RNF111: variants seen among roughly 807,000 people sequenced by gnomAD.
The protein encoded by RNF111 is ring finger protein 111.
A neutral mutation model predicts 95.1 loss-of-function variants in RNF111; 17 were observed. The ratio of observed to expected loss-of-function variants is 0.18; its 90% confidence interval spans 0.12 to 0.27. The LOEUF is 0.27. Ranked by LOEUF, RNF111 falls within the 10% of genes least tolerant of loss-of-function variation. The pLI is 1.00. For missense variants in RNF111, 1,189 were observed against 1,210.4 expected (o/e 0.98, Z 0.26); for synonymous variants, 440 against 414.8 (o/e 1.06, Z -0.74).
intron 2 of RNF111, among the ~76,000 whole-genome samples, chr15:59,037,836 CA>C (rs1301667055): frequency 1.1e-4 from 16 of 147,410 alleles, no homozygotes; most frequent in Middle Eastern, 3.4e-3. Context: ...AACTCCCTCT[CA>C]AAAAAAAAAG....
chr15:59,063,705 A>C (rs2042535308), intron 5 of RNF111, among the ~76,000 whole-genome samples: 1 of 152,220 alleles, frequency 6.6e-6, no homozygotes, highest in African/African-American at 2.4e-5. Context: ...TATATATTCA[A>C]AATGCTCGAA....
intron 2 of RNF111, among the ~76,000 whole-genome samples, chr15:59,037,483 C>T (rs1755280713): frequency 6.6e-6 from 1 of 152,118 alleles, no homozygotes; most frequent in South Asian, 2.1e-4. Context: ...AACACAAAAA[C>T]CTTGGGTTTC....
At chr15:59,093,675 C>CT (rs1421883189) in intron 13 of RNF111, among the ~76,000 whole-genome samples, 19 of 151,340 alleles carry the variant, frequency 1.3e-4, no homozygotes, top group Non-Finnish European at 1.9e-4. Flanking sequence ...TCTTCCTGTT[C>CT]TTTTTTTTAA....
intron 4 of RNF111, among the ~76,000 whole-genome samples, chr15:59,057,718 T>TAA (rs1307105122): frequency 1.6e-4 from 24 of 152,246 alleles, no homozygotes; most frequent in African/African-American, 5.5e-4. Context: ...TAAAAAGGCA[T>TAA]GGAAAGGAGA....
At chr15:59,012,105 G>A (rs1437284869) in intron 1 of RNF111, among the ~76,000 whole-genome samples, 2 of 127,670 alleles carry the variant, frequency 1.6e-5, no homozygotes, top group South Asian at 2.8e-4. Flanking sequence ...TGTAACCTCC[G>A]CCTCCTGAGT....
chr15:59,058,602 A>C (rs2042300425), intron 5 of RNF111, 52 bp downstream of exon 5: 4 of 1,486,426 alleles, frequency 2.7e-6, no homozygotes, highest in Non-Finnish European at 3.8e-6. Context: ...TTTCGTTAGG[A>C]AAAGTATTAT....
chr15:59,017,335 A>C lies in RNF111; in HGVS notation c.-19-13469A>C, dbSNP rs139510078. Among the ~76,000 whole-genome samples, 537 of 152,358 alleles carry C rather than the reference A, an allele frequency of 3.5e-3. 4 individuals are homozygous for C. Among genetic ancestry groups the C allele is most frequent in the African/African-American group, 0.012 (512 of 41,574 alleles). On this transcript the variant is annotated intron_variant, in intron 1 of 13. Coordinates refer to ENST00000348370, the MANE Select transcript of RNF111 (RefSeq NM_017610.8). ...ATGCTTATTCATAAGAGAAACACCA[A>C]GCCATTTAATAGCATTGACAAAAAA...
intron 2 of RNF111, among the ~76,000 whole-genome samples, chr15:59,051,309 T>A (rs2041969226): frequency 6.6e-6 from 1 of 151,154 alleles, no homozygotes; most frequent in South Asian, 2.1e-4. Flanking sequence ...CAAAAAAAAA[T>A]TAGCTGGGCC....
intron 1 of RNF111, among the ~76,000 whole-genome samples, chr15:59,019,875 C>T (rs1968606): frequency 0.31 from 47,781 of 151,800 alleles, 7,613 homozygotes; most frequent in Middle Eastern, 0.45. Flanking sequence ...AGCAAAATTG[C>T]TTGAACCTGG....
intron 4 of RNF111, 98 bp from the exon 5 acceptor site, chr15:59,058,258 T>G: frequency 1.0e-6 from 1 of 993,436 alleles, no homozygotes; most frequent in Non-Finnish European, 1.5e-6. Flanking sequence ...TTTTAAAGTT[T>G]TTTTATTTAT....
chr15:59,094,981 C>A lies in RNF111; in HGVS notation c.*81C>A. On this transcript the variant is annotated 3_prime_UTR_variant, in exon 14 of 14. Coordinates refer to ENST00000348370, the MANE Select transcript of RNF111 (RefSeq NM_017610.8). ...AGTCAACCAAAGATGGCATGACTTA[C>A]CTGCGCAGATTTGGAAGCATTGAAC... 2.4e-6 allele frequency: 2 copies of A among 846,852 alleles called. No individual in the cohort carries two copies. The highest frequency in any genetic ancestry group is 1.4e-5 in the South Asian group (1 of 73,396). 52.5% of individuals were successfully genotyped at this position (846,852 alleles called of 1,614,324 possible).
chr15:59,020,734 G>A (rs1459332199), intron 1 of RNF111, among the ~76,000 whole-genome samples: 7 of 152,244 alleles, frequency 4.6e-5, no homozygotes, highest in Middle Eastern at 3.4e-3. Context: ...AGAATATCTG[G>A]TATTAGAATT....
chr15:59,055,966 C>G, intron 4 of RNF111, 121 bp downstream of exon 4: 1 of 741,462 alleles, frequency 1.3e-6, no homozygotes, highest in East Asian at 3.2e-5. Flanking sequence ...GGGAAATTGT[C>G]AGATTTTTTA....
At chr15:59,018,076 T>C (rs552307467) in intron 1 of RNF111, among the ~76,000 whole-genome samples, 1 of 152,242 alleles carries the variant, frequency 6.6e-6, no homozygotes, top group South Asian at 2.1e-4. Context: ...TGAGCTCTTA[T>C]AGACTACTTT....
At chr15:59,030,335 CTAATG>C (rs1344085183) in intron 1 of RNF111, among the ~76,000 whole-genome samples, 1 of 152,122 alleles carries the variant, frequency 6.6e-6, no homozygotes, top group Non-Finnish European at 1.5e-5. Flanking sequence ...TAATATCAAT[CTAATG>C]TAGTAACCAT....
intron 1 of RNF111, among the ~76,000 whole-genome samples, chr15:58,996,649 C>CTTTTTTTTTTTTTTTTTTT (rs60350601): frequency 5.0e-5 from 5 of 100,772 alleles, no homozygotes; most frequent in African/African-American, 1.2e-4. Flanking sequence ...TCAGTACTTT[C>CTTTTTTTTTTTTTTTTTTT]TTTTTTTTTT....
chr15:59,030,665 C>T, intron 1 of RNF111, 139 bp from the exon 2 acceptor site: 1 of 548,424 alleles, frequency 1.8e-6, no homozygotes, highest in Admixed American at 3.7e-5. Flanking sequence ...TAATTCATAA[C>T]AGACATTTTG....
At chr15:59,041,004 T>A (rs1346886973) in intron 2 of RNF111, among the ~76,000 whole-genome samples, 2 of 152,198 alleles carry the variant, frequency 1.3e-5, no homozygotes, top group Non-Finnish European at 2.9e-5. Flanking sequence ...TTCAAAAATA[T>A]ACCCAAAATA....
intron 3 of RNF111, among the ~76,000 whole-genome samples, chr15:59,053,521 C>T (rs1444737963): frequency 6.6e-6 from 1 of 152,150 alleles, no homozygotes; most frequent in East Asian, 1.9e-4. Flanking sequence ...ACATGCTTTT[C>T]CACTTGCCAT....
Sources: gnomAD v4.1 joint callset for allele counts (sites outside exome capture counted in the v4.1 genomes callset) on GRCh38, gnomAD v4.1.1 for gene constraint, MANE v1.5 for transcripts, NCBI Gene and HGNC (gene_info 2026-07-23, HGNC 2026-07-21) for gene names.